The following PREP variants were observed in gnomAD, a reference collection of about 807,000 sequenced individuals.
PREP encodes the protein prolyl endopeptidase, also known as dJ355L5.1 (prolyl endopeptidase).
Under a neutral mutation model 87.6 loss-of-function variants are expected in PREP, and 29 were observed. The ratio of observed to expected loss-of-function variants is 0.33; its 90% CI spans 0.25 to 0.45. PREP has a LOEUF of 0.45. Ranked by LOEUF, PREP falls within the 20% of genes least tolerant of loss-of-function variation. PREP has a pLI of 1.00. For synonymous variants in PREP, 337 were observed against 328.6 expected (o/e 1.03, Z -0.28); for missense variants, 695 against 886.5 (o/e 0.78, Z 2.74).
intron 8 of PREP, among the ~76,000 whole-genome samples, chr6:105,332,471 G>A (rs79080463): frequency 0.056 from 8,487 of 152,120 alleles, 240 homozygotes; most frequent in Middle Eastern, 0.088. Context: ...ATCTTAGACA[G>A]GGCCACTCTG....
Position 105,384,973 on chromosome 6 carries a change from G to T in PREP, c.121-7454C>A, listed in dbSNP as rs564467425. On this transcript the variant is annotated intron_variant, in intron 2 of 14. Transcript: ENST00000652536. ...AGCCACTCAGCTCCTCTTTTTATGTGAGCTGGTCTGAGTTGGGATTCAGGT... is the reference window on the plus strand; with the variant it reads ...AGCCACTCAGCTCCTCTTTTTATGTTAGCTGGTCTGAGTTGGGATTCAGGT... Among the ~76,000 whole-genome samples the T allele has an allele frequency of 1.4e-4, 21 of 152,274 alleles. No individual in the cohort carries two copies. The East Asian group carries it at 4.1e-3, about 29-fold the overall frequency.
intron 6 of PREP, among the ~76,000 whole-genome samples, chr6:105,359,338 C>CATCT (rs1772183516): frequency 6.6e-6 from 1 of 152,138 alleles, no homozygotes; most frequent in Non-Finnish European, 1.5e-5. Context: ...CAGAGAGGGG[C>CATCT]ATCTACAGGG....
At chr6:105,386,025 CAGG>C (rs1157152923) in intron 2 of PREP, among the ~76,000 whole-genome samples, 1 of 152,300 alleles carries the variant, frequency 6.6e-6, no homozygotes, top group African/African-American at 2.4e-5. Flanking sequence ...GAGGCTGAGG[CAGG>C]AGAATTGCCT....
At chr6:105,356,884 T>G (rs921627855) in intron 6 of PREP, among the ~76,000 whole-genome samples, 1 of 152,226 alleles carries the variant, frequency 6.6e-6, no homozygotes, top group Non-Finnish European at 1.5e-5. Context: ...TGAACACATC[T>G]AGTCTTTAAA....
intron 6 of PREP, among the ~76,000 whole-genome samples, chr6:105,364,504 T>C (rs1172578988): frequency 6.6e-6 from 1 of 152,076 alleles, no homozygotes; most frequent in Non-Finnish European, 1.5e-5. Context: ...AAGGGGAGGT[T>C]GACGACAGCA....
intron 7 of PREP, among the ~76,000 whole-genome samples, chr6:105,344,574 G>A (rs1388852582): frequency 2.0e-5 from 3 of 151,442 alleles, no homozygotes; most frequent in Non-Finnish European, 4.4e-5. Flanking sequence ...CCAAACTATC[G>A]CAAAGACAGA....
intron 6 of PREP, among the ~76,000 whole-genome samples, chr6:105,364,534 C>T (rs1200950636): frequency 2.6e-5 from 4 of 152,194 alleles, no homozygotes; most frequent in East Asian, 1.9e-4. Flanking sequence ...AATCTGCACA[C>T]GTCCACAAGC....
At chr6:105,401,637 A>G (rs577839169) in intron 1 of PREP, among the ~76,000 whole-genome samples, 5 of 152,336 alleles carry the variant, frequency 3.3e-5, no homozygotes, top group Middle Eastern at 3.4e-3. Context: ...AACCACAGGA[A>G]TAGAGCTTCT....
intron 2 of PREP, among the ~76,000 whole-genome samples, chr6:105,385,356 T>C (rs934048394): frequency 6.7e-6 from 1 of 148,746 alleles, no homozygotes; most frequent in Non-Finnish European, 1.5e-5. Context: ...GCAAAGATGA[T>C]GCTACAGATA....
Position 105,320,285 on chromosome 6 carries a change from A to G in PREP, c.1317+3380T>C, listed in dbSNP as rs541535082. Among the ~76,000 whole-genome samples, 2 of 152,230 alleles carry G rather than the reference A, an allele frequency of 1.3e-5. 1 individual carries two copies. Among genetic ancestry groups the G allele is most frequent in the South Asian group, 4.1e-4 (2 of 4,830 alleles). The stretch of plus-strand genomic sequence containing the variant: ...GTTCCAGATTGGAAGATAAACTGAC[A>G]GTGTTTCTAGGATCAGATTTTCAAA... On this transcript the variant is annotated intron_variant, in intron 10 of 14. Transcript: ENST00000652536.
Position 105,403,065 on chromosome 6 carries a change from C to T in PREP, c.-174G>A, listed in dbSNP as rs1017357631. On this transcript the variant is annotated 5_prime_UTR_variant, in exon 1 of 15. Coordinates refer to ENST00000652536, the MANE Select transcript of PREP (RefSeq NM_002726.5). ...CACAAACGGACTGGCGGCGCGGCGG[C>T]GAGGACGTGCAGAAAGCAGGAAGCC... 12 of 275,982 alleles carry T rather than the reference C, an allele frequency of 4.3e-5. No homozygotes were observed. The highest frequency in any genetic ancestry group is 2.7e-4 in the African/African-American group (12 of 45,000). The allele number at this position is 275,982 out of a possible 1,614,324, so 17.1% of individuals were successfully genotyped here.
intron 2 of PREP, among the ~76,000 whole-genome samples, chr6:105,395,972 T>C (rs1018964660): frequency 3.3e-5 from 5 of 152,152 alleles, no homozygotes; most frequent in Admixed American, 6.5e-5. Flanking sequence ...CAGCCCAGTG[T>C]TGAACAATCA....
chr6:105,283,298 C>T (rs1440541796), intron 12 of PREP, among the ~76,000 whole-genome samples: 2 of 152,166 alleles, frequency 1.3e-5, no homozygotes, highest in Non-Finnish European at 2.9e-5. Context: ...GTGTATTAAA[C>T]CAAACAAATT....
intron 10 of PREP, chr6:105,322,686 C>T: frequency 1.0e-6 from 1 of 997,642 alleles, no homozygotes; most frequent in South Asian, 4.5e-5. Context: ...ATGTGTTCTC[C>T]AATAAAACAG....
intron 10 of PREP, among the ~76,000 whole-genome samples, chr6:105,304,122 C>T (rs1010551669): frequency 6.6e-6 from 1 of 151,360 alleles, no homozygotes; most frequent in African/African-American, 2.4e-5. Flanking sequence ...TTTTTTAAAC[C>T]CAACAAAAAA....
At chr6:105,285,794 G>C (rs1770179124) in intron 11 of PREP, among the ~76,000 whole-genome samples, 1 of 151,926 alleles carries the variant, frequency 6.6e-6, no homozygotes, top group Admixed American at 6.6e-5. Context: ...CATATTTTTT[G>C]AGACAGAGTC....
chr6:105,282,757 T>TATA (rs1770111000), intron 12 of PREP, among the ~76,000 whole-genome samples, 175 bp from the exon 13 acceptor site: 1 of 152,214 alleles, frequency 6.6e-6, no homozygotes. Flanking sequence ...ACTGTGGAAA[T>TATA]ATATCATCAA....
At chr6:105,355,665 G>T (rs1006407961) in intron 6 of PREP, among the ~76,000 whole-genome samples, 1 of 152,128 alleles carries the variant, frequency 6.6e-6, no homozygotes, top group East Asian at 1.9e-4. Context: ...TTGGCCACTT[G>T]TGTCTCATGT....
At chr6:105,398,153 T>G (rs149428494) in intron 1 of PREP, among the ~76,000 whole-genome samples, 1 of 152,042 alleles carries the variant, frequency 6.6e-6, no homozygotes, top group Non-Finnish European at 1.5e-5. Flanking sequence ...GAAAGAAAGA[T>G]GAAAGGTCAG....
Sources: allele counts gnomAD v4.1 joint callset (sites outside exome capture counted in the v4.1 genomes callset), GRCh38; gene constraint gnomAD v4.1.1; transcripts MANE v1.5; gene names NCBI Gene and HGNC (gene_info 2026-07-23, HGNC 2026-07-21).